The following PDXK variants were observed in gnomAD, a reference collection of about 807,000 sequenced individuals.
The protein encoded by PDXK is epididymis secretory sperm binding protein Li 1a.
Under a neutral mutation model 43.2 loss-of-function variants are expected in PDXK, and 15 were observed. The observed-to-expected ratio is 0.35, with a 90% CI of 0.23 to 0.53. The LOEUF is 0.53. PDXK is among the 20% of genes least tolerant of loss of function. The pLI, the probability that PDXK is intolerant of heterozygous loss-of-function variation, is 0.92. For missense variants in PDXK, 343 were observed against 417.0 expected (o/e 0.82, Z 1.54); for synonymous variants, 172 against 165.4 (o/e 1.04, Z -0.31).
At chr21:43,741,842 C>T in intron 3 of PDXK, 71 bp downstream of exon 3, 1 of 991,654 alleles carries the variant, frequency 1.0e-6, no homozygotes, top group Non-Finnish European at 1.6e-6. Flanking sequence ...CAGGGAGGTC[C>T]AGAGCACCCC....
At position 43,757,769 on chromosome 21, in the gene PDXK, A is replaced by G. The variant is rs2147334208; in HGVS notation, c.*1706A>G. On this transcript the variant is annotated 3_prime_UTR_variant, in exon 11 of 11. Coordinates refer to ENST00000291565, the MANE Select transcript of PDXK (RefSeq NM_003681.5). ...ACGGGTGGCAGGCCCGTTGCAGCCC[A>G]GAGCCACTGGTCCCTACAGGGCGCC... is the stretch of plus-strand genomic sequence containing the variant. The G allele has an allele frequency of 6.6e-6, 1 of 152,290 alleles. No individual in the cohort carries two copies. The highest frequency in any genetic ancestry group is 3.4e-3 in the Middle Eastern group (1 of 294). The allele number at this position is 152,290 out of a possible 1,614,324, so 9.4% of individuals were successfully genotyped here. A position where few individuals can be genotyped will look rare whatever the true frequency, so the allele number is the denominator to read the frequency against.
rs1252071494 is a variant in PDXK, at chr21:43,760,996, A to C, written c.*4933A>C. 6.6e-6 allele frequency: 1 copy of C among 152,210 alleles called. No homozygotes were observed. The highest frequency in any genetic ancestry group is 1.5e-5 in the Non-Finnish European group (1 of 68,042). 9.4% of individuals were successfully genotyped at this position (152,210 alleles called of 1,614,324 possible). ...TGCAACACGGTGTGTTCATTTGTTTAAAACAGTTTAATGAGTAAGTTTAGA... is the reference window on the plus strand; with the variant it reads ...TGCAACACGGTGTGTTCATTTGTTTCAAACAGTTTAATGAGTAAGTTTAGA... On this transcript the variant is annotated 3_prime_UTR_variant, in exon 11 of 11. Coordinates refer to ENST00000291565, the MANE Select transcript of PDXK (RefSeq NM_003681.5).
In PDXK at chr21:43,761,519, C is replaced by T. The variant is rs1409917168; in HGVS notation, c.*5456C>T. The T allele has an allele frequency of 1.3e-5, 2 of 155,940 alleles. No individual in the cohort carries two copies. Among genetic ancestry groups the T allele is most frequent in the Non-Finnish European group, 2.9e-5 (2 of 69,558 alleles). The allele number at this position is 155,940 out of a possible 1,614,324, so 9.7% of individuals were successfully genotyped here. ...CACGACCTGGGTACTGCCTGGGAAA[C>T]CTGTCCTAAGTAAAACTATGGACCT... On this transcript the variant is annotated 3_prime_UTR_variant, in exon 11 of 11. Transcript: ENST00000291565.
At chr21:43,745,824 C>T (rs1329184113) in intron 4 of PDXK, 1 of 503,262 alleles carries the variant, frequency 2.0e-6, no homozygotes, top group African/African-American at 1.9e-5. Flanking sequence ...TGGTGAGAAC[C>T]CATCTGTACA....
Position 43,752,547 on chromosome 21 carries a change from C to T in PDXK, c.540C>T (p.Pro180=), listed in dbSNP as rs779302236. The part of the protein sequence containing the change: ...RVMDMLHSMG[P]DTVVITSSDL... ...TGGACATGCTGCACTCTATGGGCCC[C>T]GACACCGTGGTCATCACCAGCTCCG... is the stretch of plus-strand genomic sequence containing the variant. The change falls in exon 8 of 11, where the codon CCC becomes CCT. Residue 180 remains proline, a synonymous_variant. Transcript: ENST00000291565. 29 of 1,612,234 alleles carry T rather than the reference C, an allele frequency of 1.8e-5. 1 individual carries two copies. In the Middle Eastern group the frequency reaches 9.9e-4, roughly 55 times the overall value.
rs772688632 is a variant in PDXK at position 43,741,770 on chromosome 21, A to C, written c.246A>C (p.Thr82=). ...NNMNKYDYVL[T]GYTRDKSFLA... The stretch of plus-strand genomic sequence containing the variant: ...TGAATAAATATGACTACGTGCTCAC[A>C]GGTAGGTGCCGGAGCAAGCTGCCGC... Residue 82 remains threonine (T), a splice_region_variant and synonymous_variant, in exon 3 of 11, where the codon ACA becomes ACC. Transcript: ENST00000291565. 6.3e-7 allele frequency: 1 copy of C among 1,596,204 alleles called. No individual in the cohort carries two copies. The highest frequency in any genetic ancestry group is 1.7e-5 in the Admixed American group (1 of 59,940).
In PDXK at chr21:43,750,514, G is replaced by A. The variant is rs775411440; in HGVS notation, c.479G>A (p.Arg160Gln). ...CTGTCTTCCAGGTTACTGAGTGGCC[G>A]GAAGATCCACAGCCAGGAGGAAGCC... ...NQFEAELLSG[R>Q]KIHSQEEALR... Residue 160 changes from arginine to glutamine, a missense_variant, in exon 7 of 11, where the codon CGG (arginine) becomes CAG (glutamine). By Grantham distance (43) the Arg-to-Gln change is conservative. Transcript: ENST00000291565. 7.4e-6 allele frequency: 12 copies of A among 1,612,520 alleles called. No individual in the cohort carries two copies. Among genetic ancestry groups the A allele is most frequent in the South Asian group, 2.2e-5 (2 of 90,804 alleles).
rs1315286387 is a variant in PDXK at position 43,723,239 on chromosome 21, C to T, written c.87+3858C>T. Among the ~76,000 whole-genome samples the T allele has an allele frequency of 6.6e-6, 1 of 151,842 alleles. No homozygotes were observed. The highest frequency in any genetic ancestry group is 1.5e-5 in the Non-Finnish European group (1 of 67,986). ...GAGCGATCTAGGCTCACTGCAACCT[C>T]CCCCTTCCAGGTACAAGCAATTCTC... On this transcript the variant is annotated intron_variant, in intron 1 of 10. Coordinates refer to ENST00000291565, the MANE Select transcript of PDXK (RefSeq NM_003681.5). This position sits in a 1 kb window ranked among gnomAD's most constrained non-coding sequence, Gnocchi z 4.1.
chr21:43,720,906 C>T (rs1363787973), intron 1 of PDXK, among the ~76,000 whole-genome samples: 1 of 152,206 alleles, frequency 6.6e-6, no homozygotes, highest in Non-Finnish European at 1.5e-5. Flanking sequence ...AAACTGTTTC[C>T]TTCTTTGGCT....
At chr21:43,741,800 G>C (rs751682034) in intron 3 of PDXK, 29 bp downstream of exon 3, 3 of 1,441,354 alleles carry the variant, frequency 2.1e-6, no homozygotes, top group Non-Finnish European at 2.9e-6. Context: ...TGCCGCAGGG[G>C]ACTACGCACC....
At chr21:43,741,863 C>T in intron 3 of PDXK, 92 bp downstream of exon 3, 4 of 806,302 alleles carry the variant, frequency 5.0e-6, no homozygotes, top group South Asian at 1.4e-5. Flanking sequence ...CGCCCTGGGC[C>T]TGTCTCGGGT....
intron 1 of PDXK, among the ~76,000 whole-genome samples, chr21:43,727,313 A>T (rs1386929834): frequency 6.6e-6 from 1 of 152,218 alleles, no homozygotes; most frequent in Non-Finnish European, 1.5e-5. Flanking sequence ...GAGTTGTCAA[A>T]GATGGGCTGA....
At chr21:43,730,102 CTGATTGAT>C (rs140082408) in intron 1 of PDXK, among the ~76,000 whole-genome samples, 4,817 of 151,740 alleles carry the variant, frequency 0.032, 113 homozygotes, top group East Asian at 0.087. Flanking sequence ...TTGCTCATAT[CTGATTGAT>C]TGATTGATTG....
chr21:43,750,764 T>TGC (rs1410967332), intron 7 of PDXK, among the ~76,000 whole-genome samples: 64 of 131,960 alleles, frequency 4.8e-4, no homozygotes, highest in Middle Eastern at 7.5e-3. Context: ...TGTGCGTGTG[T>TGC]GCGCGCGTAT....
Position 43,745,911 on chromosome 21 carries a change from C to T in PDXK, c.332-168C>T. The T allele has an allele frequency of 1.9e-5, 12 of 641,440 alleles. No individual in the cohort carries two copies. In the South Asian group the frequency reaches 2.1e-4, roughly 11 times the overall value. The allele number at this position is 641,440 out of a possible 1,614,324, so 39.7% of individuals were successfully genotyped here. On this transcript the variant is annotated intron_variant, in intron 4 of 10. Transcript: ENST00000291565. ...ACTTGGGAGGGTGAGGCAGGAGGAT[C>T]GCCCGAGCCTGGAAGATCGAGGTTG...
At chr21:43,744,388 C>G in intron 4 of PDXK, 1 of 161,658 alleles carries the variant, frequency 6.2e-6, no homozygotes, top group Admixed American at 5.8e-5. Flanking sequence ...CAGGCTCTCT[C>G]TGGGGCACAG....
rs1370597946 is a variant in PDXK, at chr21:43,743,776, G to A, written c.300G>A (p.Glu100=). The A allele has an allele frequency of 1.2e-6, 2 of 1,613,838 alleles. No individual in the cohort carries two copies. Among genetic ancestry groups the A allele is most frequent in the South Asian group, 2.2e-5 (2 of 91,070 alleles). Reference sequence around the variant, plus strand: ...CCATGGTGGTGGACATTGTGCAGGAGCTGAAGCAGCAGAACCCCAGGCTGG... The same window carrying A: ...CCATGGTGGTGGACATTGTGCAGGAACTGAAGCAGCAGAACCCCAGGCTGG... ...FLAMVVDIVQ[E]LKQQNPRLVY... is the part of the protein sequence containing the mutation. The change falls in exon 4 of 11, where the codon GAG becomes GAA. Residue 100 remains glutamate (E), a synonymous_variant. Coordinates refer to ENST00000291565, the MANE Select transcript of PDXK (RefSeq NM_003681.5).
chr21:43,743,631 G>T (rs144675980), intron 3 of PDXK, 93 bp from the exon 4 acceptor site: 1 of 868,014 alleles, frequency 1.2e-6, no homozygotes, highest in African/African-American at 1.7e-5. Flanking sequence ...CCACCCCTCT[G>T]CAGGGTCTGC....
rs889186181 is a variant in PDXK, at chr21:43,761,540, G to A, written c.*5477G>A. 1.9e-5 allele frequency: 3 copies of A among 154,930 alleles called. No homozygotes were observed. Among genetic ancestry groups the A allele is most frequent in the African/African-American group, 4.8e-5 (2 of 41,378 alleles). The allele number at this position is 154,930 out of a possible 1,614,324, so 9.6% of individuals were successfully genotyped here. A position where few individuals can be genotyped will look rare whatever the true frequency, so the allele number is the denominator to read the frequency against. The stretch of plus-strand genomic sequence containing the variant: ...GAAACCTGTCCTAAGTAAAACTATG[G>A]ACCTCGCCTCGCCCACCGGCCTGCG... On this transcript the variant is annotated 3_prime_UTR_variant, in exon 11 of 11. Transcript: ENST00000291565.
Sources: gnomAD v4.1 joint callset for allele counts (sites outside exome capture counted in the v4.1 genomes callset) on GRCh38, gnomAD v4.1.1 for gene constraint, Gnocchi (gnomAD v3.1) non-coding constraint, MANE v1.5 for transcripts, NCBI Gene and HGNC (gene_info 2026-07-23, HGNC 2026-07-21) for gene names.